TENM1: variants seen among roughly 807,000 people sequenced by gnomAD.
TENM1 encodes the protein teneurin transmembrane protein 1.
Under a neutral mutation model 174.8 loss-of-function variants are expected in TENM1, and 35 were observed. The observed-to-expected ratio is 0.20, with a 90% CI of 0.15 to 0.27. The LOEUF (loss-of-function observed/expected upper bound fraction) is 0.27. Among genes scored for constraint, TENM1 ranks in the 10% least tolerant of loss-of-function variants. The pLI is 1.00. For missense variants in TENM1, 1,633 were observed against 2,130.1 expected (o/e 0.77, Z 4.59); for synonymous variants, 781 against 798.7 (o/e 0.98, Z 0.37).
the TENM1 span, among the ~76,000 whole-genome samples, chrX:125,203,561 C>T: frequency 8.9e-6 from 1 of 112,627 alleles, no homozygotes; most frequent in Non-Finnish European, 1.9e-5. Context: ...GCCGACCTCC[C>T]TTCTGCCCCA....
chrX:125,193,525 T>G, the TENM1 span, among the ~76,000 whole-genome samples: 2 of 111,630 alleles, frequency 1.8e-5, no homozygotes, highest in African/African-American at 6.5e-5. Context: ...GTCCGGTGTA[T>G]TAGGTATTGT....
At chrX:124,784,618 CT>C (rs2062848087) in intron 3 of TENM1, among the ~76,000 whole-genome samples, 1 of 111,451 alleles carries the variant, frequency 9.0e-6, no homozygotes, top group African/African-American at 3.3e-5. Flanking sequence ...CAGCTGGCCC[CT>C]GATCCAAGTT....
chrX:124,629,436 A>G (rs2050709202), intron 11 of TENM1, among the ~76,000 whole-genome samples: 1 of 112,356 alleles, frequency 8.9e-6, no homozygotes, highest in African/African-American at 3.2e-5. Flanking sequence ...TTTATCATCT[A>G]CTAATTTATC....
intron 5 of TENM1, among the ~76,000 whole-genome samples, chrX:124,693,955 T>G (rs570184509): frequency 4.9e-4 from 55 of 111,545 alleles, no homozygotes; most frequent in East Asian, 1.4e-3. Context: ...CTTATTAAAG[T>G]GTAGCTTTTA....
intron 3 of TENM1, among the ~76,000 whole-genome samples, chrX:124,802,925 G>C (rs1489427398): frequency 4.5e-5 from 5 of 112,148 alleles, no homozygotes; most frequent in Non-Finnish European, 9.4e-5. Context: ...AATAGAGTTT[G>C]CTAATAGATA....
At chrX:124,741,203 G>A (rs2053791202) in intron 3 of TENM1, among the ~76,000 whole-genome samples, 1 of 111,426 alleles carries the variant, frequency 9.0e-6, no homozygotes, top group South Asian at 3.7e-4. Flanking sequence ...GTCTCCAAAA[G>A]GTAAGTGCAA....
At chrX:124,784,312 A>G (rs1042282826) in intron 3 of TENM1, among the ~76,000 whole-genome samples, 3 of 111,417 alleles carry the variant, frequency 2.7e-5, no homozygotes, top group Non-Finnish European at 5.7e-5. Flanking sequence ...ATGAAGGAAA[A>G]TAGGCCCACA....
At chrX:125,052,895 TTTGA>T in the TENM1 span, among the ~76,000 whole-genome samples, 2 of 111,923 alleles carry the variant, frequency 1.8e-5, no homozygotes, top group African/African-American at 3.2e-5. Context: ...TTTTTCTTCG[TTTGA>T]TTGAGGTATA....
chrX:124,876,480 A>C (rs995669923), intron 3 of TENM1, among the ~76,000 whole-genome samples: 2 of 111,756 alleles, frequency 1.8e-5, no homozygotes, highest in Admixed American at 1.9e-4. Flanking sequence ...ATTCAGAAGT[A>C]AAATTGATTT....
At position 124,772,732 on chromosome X, in the gene TENM1, A is replaced by T. The variant is rs767822029; in HGVS notation, c.536-35535T>A. On this transcript the variant is annotated intron_variant, in intron 3 of 31. Transcript: ENST00000422452. The stretch of plus-strand genomic sequence containing the variant: ...ATTTTCATTAAAAAGCTGATGTTGA[A>T]AGGGCTGATATGTCATACTTTGTCA... Among the ~76,000 whole-genome samples, 3 of 111,553 alleles carry T rather than the reference A, an allele frequency of 2.7e-5. No individual in the cohort carries two copies. The South Asian group carries it at 1.1e-3, about 43-fold the overall frequency.
upstream of TENM1, among the ~76,000 whole-genome samples, chrX:124,965,720 A>G (rs971964671): frequency 1.8e-5 from 2 of 110,815 alleles, no homozygotes; most frequent in African/African-American, 6.6e-5. Context: ...ACACACACCA[A>G]TGATTCAACA....
chrX:125,136,594 C>T, the TENM1 span, among the ~76,000 whole-genome samples: 26 of 111,369 alleles, frequency 2.3e-4, no homozygotes, highest in African/African-American at 7.2e-4. Flanking sequence ...ACAAACCAGA[C>T]GAACCTAGAA....
At chrX:125,046,857 C>T in the TENM1 span, among the ~76,000 whole-genome samples, 525 of 98,273 alleles carry the variant, frequency 5.3e-3, 2 homozygotes, top group South Asian at 0.041. Context: ...TGTGTGCATG[C>T]GTGTGTGTGT....
At chrX:124,937,633 A>G (rs1486778779) in intron 1 of TENM1, among the ~76,000 whole-genome samples, 1 of 112,179 alleles carries the variant, frequency 8.9e-6, no homozygotes, top group Non-Finnish European at 1.9e-5. Flanking sequence ...TAGAAGAAGC[A>G]CTACTACGCA....
the TENM1 span, among the ~76,000 whole-genome samples, chrX:125,124,285 C>T: frequency 2.7e-5 from 3 of 112,224 alleles, no homozygotes; most frequent in African/African-American, 9.7e-5. Context: ...AAAAAATACA[C>T]TCTAGCTATT....
Position 124,639,738 on chromosome X carries a change from A to C in TENM1, c.2077+2053T>G, listed in dbSNP as rs774390242. 6.1e-3 allele frequency among the ~76,000 whole-genome samples: 680 copies of C among 111,654 alleles called. 9 individuals are homozygous for C. The highest frequency in any genetic ancestry group is 0.02 in the African/African-American group (627 of 30,726). On this transcript the variant is annotated intron_variant, in intron 11 of 31. Transcript: ENST00000422452. Reference sequence around the variant, plus strand: ...CAATAGTGACTAATACATAATAATTATTATGTGTTTGCTACAATAATAATA... The same window carrying C: ...CAATAGTGACTAATACATAATAATTCTTATGTGTTTGCTACAATAATAATA...
intron 1 of TENM1, among the ~76,000 whole-genome samples, chrX:124,905,697 C>T (rs1261307345): frequency 1.8e-5 from 2 of 111,176 alleles, no homozygotes; most frequent in East Asian, 5.7e-4. Context: ...GCTGGTAGTG[C>T]GGGAAGGCCA....
the TENM1 span, among the ~76,000 whole-genome samples, chrX:125,194,042 C>T: frequency 9.0e-6 from 1 of 111,207 alleles, no homozygotes; most frequent in Admixed American, 9.5e-5. Context: ...CCTTGGCCTC[C>T]TAAGCTGCTA....
chrX:124,437,798 C>G, intron 23 of TENM1, among the ~76,000 whole-genome samples: 1 of 111,801 alleles, frequency 8.9e-6, no homozygotes, highest in Non-Finnish European at 1.9e-5. Context: ...CAAATGAACC[C>G]CTGCTCTTTG....
Sources: gnomAD v4.1 joint callset for allele counts (sites outside exome capture counted in the v4.1 genomes callset) on GRCh38, gnomAD v4.1.1 for gene constraint, MANE v1.5 for transcripts, NCBI Gene and HGNC (gene_info 2026-07-23, HGNC 2026-07-21) for gene names.